The following ALMS1 variants were observed in gnomAD, a reference collection of about 807,000 sequenced individuals.
ALMS1 encodes ALMS1 centrosome and basal body associated protein, also known as centrosome-associated protein ALMS1.
Under a neutral mutation model 352.2 loss-of-function variants are expected in ALMS1, and 271 were observed. The ratio of observed to expected loss-of-function variants is 0.77; its 90% CI spans 0.70 to 0.85. The LOEUF (loss-of-function observed/expected upper bound fraction) is 0.85, where lower values mean the gene tolerates loss of function less well. Among genes scored for constraint, ALMS1 ranks in the 40% least tolerant of loss-of-function variants. The pLI is 0.00. For missense variants in ALMS1, 5,445 were observed against 4,870.7 expected, an observed-to-expected ratio of 1.12 and a Z score of -3.51; for synonymous variants, 1,865 against 1,761.2, an observed-to-expected ratio of 1.06 and a Z score of -1.48.
At chr2:73,553,109 T>TA (rs1284548859) in intron 13 of ALMS1, among the ~76,000 whole-genome samples, 1 of 152,188 alleles carries the variant, frequency 6.6e-6, no homozygotes, top group Admixed American at 6.5e-5. Context: ...CTTGACATTT[T>TA]AAAACTGATT....
chr2:73,487,061 G>A (rs1042119283), intron 9 of ALMS1, among the ~76,000 whole-genome samples: 1 of 152,094 alleles, frequency 6.6e-6, no homozygotes, highest in Non-Finnish European at 1.5e-5. Flanking sequence ...CAAAGAAGAA[G>A]AGAAAAGAAA....
intron 10 of ALMS1, among the ~76,000 whole-genome samples, chr2:73,501,943 C>T (rs369342619): frequency 6.6e-6 from 1 of 151,964 alleles, no homozygotes; most frequent in Non-Finnish European, 1.5e-5. Context: ...TTAATGTCCC[C>T]CGGTGACATA....
intron 9 of ALMS1, among the ~76,000 whole-genome samples, chr2:73,465,540 A>T (rs1477785939): frequency 1.3e-5 from 2 of 152,228 alleles, no homozygotes; most frequent in African/African-American, 2.4e-5. Flanking sequence ...AAACCCTAGA[A>T]GAAAACCTAG....
chr2:73,591,389 ATAAAG>A (rs1017494813), intron 16 of ALMS1, among the ~76,000 whole-genome samples: 8 of 152,228 alleles, frequency 5.3e-5, no homozygotes, highest in South Asian at 2.1e-4. Flanking sequence ...AGATTTTTAA[ATAAAG>A]TAATGTCAAT....
rs559383661 is a variant in ALMS1, at chr2:73,451,859, C to T, written c.5332C>T (p.Leu1778=). Residue 1778 remains leucine, a synonymous_variant, in exon 8 of 23, where the codon CTA becomes TTA. Transcript: ENST00000613296. The part of the protein sequence containing the change: ...SYQQELPDSH[L]TEEALKVSNV... ...CCAGCAAGAGTTGCCAGATAGTCAT[C>T]TAACTGAAGAGGCTCTGAAAGTTTC... 19 of 1,613,614 alleles carry T rather than the reference C, an allele frequency of 1.2e-5. No homozygotes were observed. The African/African-American group carries it at 1.3e-4, about 11-fold the overall frequency.
chr2:73,577,146 A>G (rs1282136334), intron 16 of ALMS1, among the ~76,000 whole-genome samples: 1 of 152,196 alleles, frequency 6.6e-6, no homozygotes, highest in East Asian at 1.9e-4. Context: ...ATATCAGGGT[A>G]CTACTGGCCT....
chr2:73,564,098 T>TAA (rs772690471), intron 15 of ALMS1, among the ~76,000 whole-genome samples: 6 of 147,658 alleles, frequency 4.1e-5, no homozygotes, highest in Non-Finnish European at 9.0e-5. Context: ...GGGTTAAACT[T>TAA]AAAAAAAAAA....
At chr2:73,569,304 C>G (rs1026934000) in intron 15 of ALMS1, among the ~76,000 whole-genome samples, 1 of 151,864 alleles carries the variant, frequency 6.6e-6, no homozygotes, top group African/African-American at 2.4e-5. Context: ...CCTGAGCCAC[C>G]GTGCCCAGCC....
At position 73,491,340 on chromosome 2, in the gene ALMS1, C is replaced by T. The variant is rs754743943; in HGVS notation, c.9381C>T (p.Val3127=). 2.0e-5 allele frequency: 33 copies of T among 1,614,052 alleles called. No individual in the cohort carries two copies. The East Asian group carries it at 6.5e-4, about 32-fold the overall frequency. The part of the protein sequence containing the change: ...LGPKSSLDFQ[V]VQPSLPDSNT... ...CTAAATCTTCACTGGATTTCCAAGTCGTACAGCCTTCTCTTCCAGACAGTA... is the reference window on the plus strand; with the variant it reads ...CTAAATCTTCACTGGATTTCCAAGTTGTACAGCCTTCTCTTCCAGACAGTA... The change falls in exon 10 of 23, where the codon GTC becomes GTT. Residue 3127 remains valine (V), a synonymous_variant. Coordinates refer to ENST00000613296, the MANE Select transcript of ALMS1 (RefSeq NM_001378454.1).
At chr2:73,525,858 A>G (rs1451274194) in intron 11 of ALMS1, among the ~76,000 whole-genome samples, 1 of 152,178 alleles carries the variant, frequency 6.6e-6, no homozygotes, top group African/African-American at 2.4e-5. Context: ...CCAATATTTA[A>G]TGTCCTAGAG....
chr2:73,577,910 G>T (rs1444544080), intron 16 of ALMS1, among the ~76,000 whole-genome samples: 1 of 152,122 alleles, frequency 6.6e-6, no homozygotes, highest in African/African-American at 2.4e-5. Flanking sequence ...TTATAATGTT[G>T]TTCAAGTCCT....
intron 3 of ALMS1, among the ~76,000 whole-genome samples, chr2:73,419,536 C>T (rs906396217): frequency 5.9e-5 from 9 of 152,066 alleles, no homozygotes; most frequent in Non-Finnish European, 8.8e-5. Context: ...TATCACTTCC[C>T]GTTGCTCACA....
chr2:73,396,598 A>G lies in ALMS1; in HGVS notation c.324+10406A>G, dbSNP rs574557480. 1.8e-4 allele frequency among the ~76,000 whole-genome samples: 14 copies of G among 77,716 alleles called. No individual in the cohort carries two copies. The East Asian group carries it at 4.6e-3, about 26-fold the overall frequency. The allele number at this position is 77,716 out of a possible 152,430, so 51.0% of individuals were successfully genotyped here. On this transcript the variant is annotated intron_variant, in intron 1 of 22. Coordinates refer to ENST00000613296, the MANE Select transcript of ALMS1 (RefSeq NM_001378454.1). ...CAGGATGGGGCATAGTATTTTAATT[A>G]CTAAATCACTCTTTTTTCTTCTTAT...
chr2:73,470,365 G>C (rs1672442958), intron 9 of ALMS1: 1 of 151,498 alleles, frequency 6.6e-6, no homozygotes, highest in Non-Finnish European at 1.5e-5. Flanking sequence ...GCTTCATCCT[G>C]TAAGTGTTCA....
At chr2:73,442,375 G>A (rs1388090863) in intron 7 of ALMS1, among the ~76,000 whole-genome samples, 1 of 152,040 alleles carries the variant, frequency 6.6e-6, no homozygotes, top group Non-Finnish European at 1.5e-5. Context: ...TGCTATCTGA[G>A]CAAAATGAAA....
Position 73,419,207 on chromosome 2 carries a change from A to G in ALMS1, c.535A>G (p.Thr179Ala), listed in dbSNP as rs1671238631. Residue 179 changes from threonine to alanine, a missense_variant, in exon 3 of 23, where the codon ACG becomes GCG. Thr to Ala is a moderately conservative substitution (Grantham distance 58). Coordinates refer to ENST00000613296, the MANE Select transcript of ALMS1 (RefSeq NM_001378454.1). ...DTSQTRFNVR[T>A]EDTEVTDFPS... ...ATCCCAGACTAGGTTTAATGTGAGA[A>G]CGGAAGATACTGAAGTGACAGACTT... The G allele has an allele frequency of 6.2e-7, 1 of 1,614,036 alleles. No individual in the cohort carries two copies. The highest frequency in any genetic ancestry group is 8.5e-7 in the Non-Finnish European group (1 of 1,179,892).
chr2:73,487,477 C>T (rs1374509113), intron 9 of ALMS1, among the ~76,000 whole-genome samples: 5 of 152,162 alleles, frequency 3.3e-5, no homozygotes, highest in African/African-American at 1.2e-4. Flanking sequence ...TTGGAAGACA[C>T]CAGGAACCAC....
chr2:73,471,624 C>T (rs1174918921), intron 9 of ALMS1, among the ~76,000 whole-genome samples: 2 of 151,642 alleles, frequency 1.3e-5, no homozygotes, highest in Non-Finnish European at 2.9e-5. Flanking sequence ...TATTCAATAT[C>T]GCTAATCATC....
rs1485864480 is a variant in ALMS1, at chr2:73,408,702, G to C, written c.405G>C (p.Val135=). 2 of 1,613,014 alleles carry C rather than the reference G, an allele frequency of 1.2e-6. No homozygotes were observed. The highest frequency in any genetic ancestry group is 4.5e-5 in the East Asian group (2 of 44,852). ...NSRTQISDTN[V]VCLETTAQRG... ...GAACACAAATTTCTGATACTAATGT[G>C]GTCTGTTTGGAAACAACAGCTCAGC... Residue 135 remains valine, a synonymous_variant, in exon 2 of 23, where the codon GTG becomes GTC. Transcript: ENST00000613296.
Sources: gnomAD v4.1 joint callset for allele counts (sites outside exome capture counted in the v4.1 genomes callset) on GRCh38, gnomAD v4.1.1 for gene constraint, MANE v1.5 for transcripts, NCBI Gene and HGNC (gene_info 2026-07-23, HGNC 2026-07-21) for gene names.